The following LHX1 variants were observed in gnomAD, a reference collection of about 807,000 sequenced individuals.
LHX1 encodes LIM/homeobox protein Lhx1.
In LHX1, 9 loss-of-function variants were observed where a neutral mutation model predicts 34.1. That is an observed-to-expected ratio of 0.26 (90% CI 0.16 to 0.46). LHX1 has a LOEUF of 0.46. LHX1 is among the 20% of genes least tolerant of loss of function. The pLI, the probability that LHX1 is intolerant of heterozygous loss-of-function variation, is 1.00. For missense variants in LHX1, 446 were observed against 559.1 expected, an observed-to-expected ratio of 0.80 and a Z score of 2.04; for synonymous variants, 254 against 241.5, an observed-to-expected ratio of 1.05 and a Z score of -0.48.
At chr17:36,938,614 G>A (rs1232860944) in intron 1 of LHX1, 7 of 598,510 alleles carry the variant, frequency 1.2e-5, no homozygotes, top group Non-Finnish European at 2.1e-5. Flanking sequence ...AAGGGTCTGA[G>A]CCTGACTCGG....
At chr17:36,940,954 G>T in intron 3 of LHX1, 67 bp downstream of exon 3, 1 of 1,537,442 alleles carries the variant, frequency 6.5e-7, no homozygotes, top group South Asian at 1.2e-5. Context: ...CCCAGGCCGA[G>T]CCAGGAGAGC....
chr17:36,938,397 C>CT, intron 1 of LHX1, 30 bp downstream of exon 1: 1 of 1,610,144 alleles, frequency 6.2e-7, no homozygotes. Context: ...GCCTCTGCTG[C>CT]TACCTCCCCG....
intron 1 of LHX1, among the ~76,000 whole-genome samples, chr17:36,939,259 A>G (rs1010745013): frequency 6.6e-6 from 1 of 152,224 alleles, no homozygotes; most frequent in African/African-American, 2.4e-5. Flanking sequence ...AAGTCAACAG[A>G]GAAGAACGGG....
At chr17:36,942,096 C>G in intron 3 of LHX1, 104 bp from the exon 4 acceptor site, 1 of 1,203,708 alleles carries the variant, frequency 8.3e-7, no homozygotes. Context: ...CGCGCGCGCG[C>G]GGTGTCGGCT....
At chr17:36,938,980 C>T (rs1292211644) in intron 1 of LHX1, among the ~76,000 whole-genome samples, 1 of 152,204 alleles carries the variant, frequency 6.6e-6, no homozygotes, top group Non-Finnish European at 1.5e-5. Flanking sequence ...TGCGAAGTGC[C>T]CGGAGCTTTT....
At chr17:36,941,907 T>G (rs1212534727) in intron 3 of LHX1, among the ~76,000 whole-genome samples, 1 of 152,100 alleles carries the variant, frequency 6.6e-6, no homozygotes, top group Non-Finnish European at 1.5e-5. Flanking sequence ...AGAGAAGCGG[T>G]AACTGTGATA....
intron 3 of LHX1, 46 bp from the exon 4 acceptor site, chr17:36,942,154 C>T: frequency 6.5e-7 from 1 of 1,549,988 alleles, no homozygotes. Flanking sequence ...ACCCCGGGGT[C>T]GGGGGTGGAG....
At chr17:36,942,088 C>A (rs532217726) in intron 3 of LHX1, 112 bp from the exon 4 acceptor site, 13 of 1,106,128 alleles carry the variant, frequency 1.2e-5, no homozygotes, top group East Asian at 5.1e-5. Flanking sequence ...CACACAAGCG[C>A]GCGCGCGCGG....
intron 1 of LHX1, among the ~76,000 whole-genome samples, chr17:36,939,173 C>T (rs2070748655): frequency 6.6e-6 from 1 of 152,102 alleles, no homozygotes; most frequent in Admixed American, 6.5e-5. Flanking sequence ...CTTCTCCCTA[C>T]CCCCCTTATT....
In LHX1 at chr17:36,943,007, A is replaced by G. The variant is rs769201460; in HGVS notation, c.1097A>G (p.His366Arg). ...SPEPSLPGPLHSMSAEVFGPS... is the reference protein window; with the variant it reads ...SPEPSLPGPLRSMSAEVFGPS... Reference sequence around the variant, plus strand: ...GAGCCCAGCCTGCCCGGGCCTCTGCACTCCATGTCGGCCGAGGTCTTCGGA... The same window carrying G: ...GAGCCCAGCCTGCCCGGGCCTCTGCGCTCCATGTCGGCCGAGGTCTTCGGA... Residue 366 changes from histidine (H) to arginine (R), a missense_variant, in exon 5 of 5, where the codon CAC becomes CGC. Transcript: ENST00000614239. The G allele has an allele frequency of 1.0e-4, 164 of 1,609,634 alleles. 1 individual carries two copies. The highest frequency in any genetic ancestry group is 8.9e-4 in the South Asian group (81 of 90,894).
At chr17:36,938,467 A>G in intron 1 of LHX1, 100 bp downstream of exon 1, 1 of 1,270,032 alleles carries the variant, frequency 7.9e-7, no homozygotes, top group Non-Finnish European at 1.1e-6. Context: ...CCCAGTTAGG[A>G]ACTGCTTCTA....
At position 36,937,551 on chromosome 17, in the gene LHX1, G is replaced by C. The variant is rs572010675; in HGVS notation, c.-647G>C. The C allele has an allele frequency of 5.3e-4, 160 of 300,694 alleles. 3 individuals are homozygous for C. The highest frequency in any genetic ancestry group is 3.9e-3 in the South Asian group (154 of 39,188). The allele number at this position is 300,694 out of a possible 1,614,324, so 18.6% of individuals were successfully genotyped here. On this transcript the variant is annotated 5_prime_UTR_variant, in exon 1 of 5. Transcript: ENST00000614239. Reference sequence around the variant, plus strand: ...TCGCCCCCTCCCCCAGGCCCAGCGCGGGCGCTCGGCGCGTCCAGACCCGCG... The same window carrying C: ...TCGCCCCCTCCCCCAGGCCCAGCGCCGGCGCTCGGCGCGTCCAGACCCGCG...
intron 3 of LHX1, chr17:36,941,280 A>T (rs2070763666): frequency 4.6e-6 from 2 of 435,986 alleles, no homozygotes; most frequent in Admixed American, 6.4e-5. Context: ...CCTTCTGCAC[A>T]AAGTGAACTC....
In LHX1 at chr17:36,942,182, C is replaced by T; in HGVS notation, c.676-18C>T. 1 of 1,570,810 alleles carries T rather than the reference C, an allele frequency of 6.4e-7. No homozygotes were observed. Among genetic ancestry groups the T allele is most frequent in the Non-Finnish European group, 8.6e-7 (1 of 1,167,530 alleles). Reference sequence around the variant, plus strand: ...GGGTGGAGTCTCGGTGGCCTCACCCCGCCGCCATGTGCTGCAGGTCTGGTT... The same window carrying T: ...GGGTGGAGTCTCGGTGGCCTCACCCTGCCGCCATGTGCTGCAGGTCTGGTT... On this transcript the variant is annotated intron_variant, in intron 3 of 4. Coordinates refer to ENST00000614239, the MANE Select transcript of LHX1 (RefSeq NM_005568.5).
Position 36,937,562 on chromosome 17 carries a change from G to T in LHX1, c.-636G>T. The T allele has an allele frequency of 3.3e-6, 1 of 301,988 alleles. No homozygotes were observed. The highest frequency in any genetic ancestry group is 6.5e-6 in the Non-Finnish European group (1 of 153,894). The allele number at this position is 301,988 out of a possible 1,614,324, so 18.7% of individuals were successfully genotyped here. ...CCCAGGCCCAGCGCGGGCGCTCGGCGCGTCCAGACCCGCGGCGCGATGCCG... is the reference window on the plus strand; with the variant it reads ...CCCAGGCCCAGCGCGGGCGCTCGGCTCGTCCAGACCCGCGGCGCGATGCCG... On this transcript the variant is annotated 5_prime_UTR_variant, in exon 1 of 5. Transcript: ENST00000614239.
rs373405460 is a variant in LHX1 at position 36,943,059 on chromosome 17, G to C, written c.1149G>C (p.Ser383=). The change falls in exon 5 of 5, where the codon TCG becomes TCC. Residue 383 remains serine, a synonymous_variant. Transcript: ENST00000614239. ...CCAGCCCGCCCTTCTCGTCGCTGTC[G>C]GTCAACGGTGGGGCGAGCTACGGAA... is the stretch of plus-strand genomic sequence containing the variant. ...FGPSPPFSSL[S]VNGGASYGNH... The C allele has an allele frequency of 2.5e-6, 4 of 1,607,418 alleles. No homozygotes were observed. In the Admixed American group the frequency reaches 5.0e-5, roughly 20 times the overall value.
chr17:36,937,151 G>C (rs1235978254), upstream of LHX1: 1 of 435,720 alleles, frequency 2.3e-6, no homozygotes, highest in Non-Finnish European at 4.6e-6. Context: ...TGTGGGGTTA[G>C]ACGGAGGCAG....
At chr17:36,940,919 G>A (rs1171029568) in intron 3 of LHX1, 32 bp downstream of exon 3, 1 of 1,554,146 alleles carries the variant, frequency 6.4e-7, no homozygotes, top group South Asian at 1.2e-5. Flanking sequence ...CCATCCCACA[G>A]AGGCCCACAC....
intron 3 of LHX1, 101 bp from the exon 4 acceptor site, chr17:36,942,099 T>G: frequency 8.0e-7 from 1 of 1,251,810 alleles, no homozygotes; most frequent in South Asian, 1.3e-5. Flanking sequence ...GCGCGCGCGG[T>G]GTCGGCTAGC....
Sources: gnomAD v4.1 joint callset for allele counts (sites outside exome capture counted in the v4.1 genomes callset) on GRCh38, gnomAD v4.1.1 for gene constraint, MANE v1.5 for transcripts, NCBI Gene and HGNC (gene_info 2026-07-23, HGNC 2026-07-21) for gene names.